The following MYO9B variants were observed in gnomAD, a reference collection of about 807,000 sequenced individuals.
MYO9B encodes the protein unconventional myosin-IXb.
MYO9B carries 71 observed loss-of-function variants against 229.5 expected under a neutral mutation model. The observed-to-expected ratio is 0.31, with a 90% CI of 0.26 to 0.38. The LOEUF (loss-of-function observed/expected upper bound fraction) is 0.38, where lower values mean the gene tolerates loss of function less well. Ranked by LOEUF, MYO9B falls within the 10% of genes least tolerant of loss-of-function variation. The pLI is 1.00. For synonymous variants in MYO9B, 1,185 were observed against 1,235.8 expected (o/e 0.96, Z 0.86); for missense variants, 2,255 against 2,920.5 (o/e 0.77, Z 5.25).
At chr19:17,136,344 G>T (rs990902967) in intron 2 of MYO9B, among the ~76,000 whole-genome samples, 1 of 152,170 alleles carries the variant, frequency 6.6e-6, no homozygotes, top group South Asian at 2.1e-4. Context: ...GAGACTGGGG[G>T]TTTCACTCCA....
At chr19:17,105,296 A>G (rs1483227699) in intron 2 of MYO9B, among the ~76,000 whole-genome samples, 1 of 149,120 alleles carries the variant, frequency 6.7e-6, no homozygotes, top group Non-Finnish European at 1.5e-5. Context: ...AGCCTGGGCA[A>G]CATAACAAGA....
chr19:17,148,482 G>T (rs564289006), intron 3 of MYO9B, among the ~76,000 whole-genome samples: 2 of 152,306 alleles, frequency 1.3e-5, no homozygotes, highest in Admixed American at 6.5e-5. Context: ...TCTAGGGAAA[G>T]ATCCTGGCTA....
chr19:17,102,133 G>A lies in MYO9B; in HGVS notation c.416G>A (p.Gly139Asp). 1 of 1,613,522 alleles carries A rather than the reference G, an allele frequency of 6.2e-7. No homozygotes were observed. Among genetic ancestry groups the A allele is most frequent in the Non-Finnish European group, 8.5e-7 (1 of 1,179,892 alleles). Residue 139 changes from glycine (G) to aspartate (D), a missense_variant, in exon 2 of 40, where the codon GGC becomes GAC. Around this residue, in one of 7 missense-constraint regions of MYO9B, gnomAD observed 386 missense variants for 515.2 expected, o/e 0.75. Coordinates refer to ENST00000682292, the MANE Select transcript of MYO9B (RefSeq NM_004145.4). Reference protein sequence around the residue: ...ATATRRLVERGLLPRQQADFD... With the variant: ...ATATRRLVERDLLPRQQADFD... The stretch of plus-strand genomic sequence containing the variant: ...GCCACCCGGCGCCTAGTGGAGCGTG[G>A]CCTCCTGCCACGGCAGCAGGCGGAC...
At chr19:17,112,472 C>G (rs573180676) in intron 2 of MYO9B, among the ~76,000 whole-genome samples, 429 of 152,298 alleles carry the variant, frequency 2.8e-3, no homozygotes, top group Admixed American at 6.9e-3. Flanking sequence ...GCCCTGGACT[C>G]GGGCAGGAGC....
In MYO9B at chr19:17,195,174, G is replaced by A. The variant is rs778654100; in HGVS notation, c.3747G>A (p.Glu1249=). 1.9e-6 allele frequency: 3 copies of A among 1,611,350 alleles called. No homozygotes were observed. The highest frequency in any genetic ancestry group is 2.5e-6 in the Non-Finnish European group (3 of 1,179,410). Residue 1249 remains glutamate (E), a synonymous_variant, in exon 22 of 40, where the codon GAG becomes GAA. Transcript: ENST00000682292. The surrounding 1 kb of genome is among the most constrained non-coding windows in gnomAD (Gnocchi z 4.5). ...PSGSPRPGQL[E]RPTSLALDSR... ...GGAGCCCCAGGCCTGGCCAGTTGGA[G>A]CGGCCGACCAGCCTGGCCCTGGACA...
chr19:17,130,883 C>T (rs182250584), intron 2 of MYO9B, among the ~76,000 whole-genome samples: 1 of 152,286 alleles, frequency 6.6e-6, no homozygotes, highest in East Asian at 1.9e-4. Flanking sequence ...AACCTTGTCC[C>T]AGTCCCATCT....
intron 28 of MYO9B, 90 bp downstream of exon 28, chr19:17,202,393 A>G (rs2073116947): frequency 4.6e-6 from 6 of 1,309,524 alleles, no homozygotes; most frequent in Non-Finnish European, 6.3e-6. Flanking sequence ...ATGCCTCACC[A>G]TGCTTATGCC....
chr19:17,179,420 ATTTT>A (rs747998068), intron 14 of MYO9B, among the ~76,000 whole-genome samples: 1 of 86,668 alleles, frequency 1.2e-5, no homozygotes, highest in Non-Finnish European at 2.1e-5. Flanking sequence ...GCCCCAACTG[ATTTT>A]TTTTTTTTTT....
chr19:17,174,899 ACTCC>A (rs2072767107), intron 13 of MYO9B, among the ~76,000 whole-genome samples: 1 of 151,560 alleles, frequency 6.6e-6, no homozygotes, highest in Admixed American at 6.6e-5. Flanking sequence ...GCGCCACTGC[ACTCC>A]AGCCCAGGCG....
intron 22 of MYO9B, 46 bp from the exon 23 acceptor site, chr19:17,197,746 C>T (rs771576028): frequency 1.2e-6 from 2 of 1,607,270 alleles, no homozygotes; most frequent in Non-Finnish European, 1.7e-6. Context: ...GAAAATGCCA[C>T]TGACTCACTC....
chr19:17,117,886 C>T (rs1445358031), intron 2 of MYO9B, among the ~76,000 whole-genome samples: 1 of 134,048 alleles, frequency 7.5e-6, no homozygotes, highest in Non-Finnish European at 1.5e-5. Context: ...TGCAGTGAGC[C>T]AAGATCATGC....
At chr19:17,096,705 G>T (rs142373221) in intron 1 of MYO9B, among the ~76,000 whole-genome samples, 9 of 24,416 alleles carry the variant, frequency 3.7e-4, no homozygotes, top group South Asian at 2.1e-3. Context: ...TGTTGTTGTT[G>T]GTTTTTTTTT....
At chr19:17,160,657 G>A (rs1459081330) in intron 8 of MYO9B, among the ~76,000 whole-genome samples, 8 of 151,696 alleles carry the variant, frequency 5.3e-5, no homozygotes, top group African/African-American at 1.7e-4. Flanking sequence ...ACAGGTGTGC[G>A]CCACTAGGCC....
chr19:17,147,475 C>T (rs1243661217), intron 3 of MYO9B, among the ~76,000 whole-genome samples: 7 of 138,612 alleles, frequency 5.1e-5, no homozygotes, highest in Admixed American at 1.6e-4. Flanking sequence ...ACCCAGGAGG[C>T]GGAGATTGCA....
intron 1 of MYO9B, among the ~76,000 whole-genome samples, chr19:17,082,736 G>A (rs1302283481): frequency 2.0e-5 from 3 of 152,130 alleles, no homozygotes; most frequent in Non-Finnish European, 1.5e-5. Flanking sequence ...GGCGGAGAAA[G>A]TGTGATCGTA....
intron 2 of MYO9B, among the ~76,000 whole-genome samples, chr19:17,134,074 T>C (rs1434340213): frequency 6.6e-6 from 1 of 152,098 alleles, no homozygotes; most frequent in African/African-American, 2.4e-5. Flanking sequence ...TTTCTACTTC[T>C]GTGAGTTTTT....
chr19:17,091,921 T>C (rs1222451727), intron 1 of MYO9B, among the ~76,000 whole-genome samples: 3 of 152,090 alleles, frequency 2.0e-5, no homozygotes, highest in Non-Finnish European at 2.9e-5. Flanking sequence ...AGTCTGCCCT[T>C]CTGCCCCGCA....
In MYO9B at chr19:17,185,963, C is replaced by T; in HGVS notation, c.2539C>T (p.Pro847Ser). The change falls in exon 18 of 40, where the codon CCC becomes TCC. Residue 847 changes from proline to serine, a missense_variant. By Grantham distance (74) the Pro-to-Ser change is moderately conservative. This residue lies in a region of MYO9B where 68 missense variants were observed against 133.5 expected (regional missense o/e 0.51). Transcript: ENST00000682292. ...KLLEALGKAE[P>S]FFIRCIRSNA... ...CTTGGAGGCACTGGGGAAGGCGGAG[C>T]CCTTCTTTATCCGCTGCATCCGTTC... The T allele has an allele frequency of 6.2e-7, 1 of 1,613,932 alleles. No individual in the cohort carries two copies. Among genetic ancestry groups the T allele is most frequent in the Non-Finnish European group, 8.5e-7 (1 of 1,179,808 alleles).
At position 17,194,685 on chromosome 19, in the gene MYO9B, G is replaced by T. The variant is rs1568296209; in HGVS notation, c.3258G>T (p.Gln1086His). 1 of 1,612,912 alleles carries T rather than the reference G, an allele frequency of 6.2e-7. No individual in the cohort carries two copies. Among genetic ancestry groups the T allele is most frequent in the Non-Finnish European group, 8.5e-7 (1 of 1,179,882 alleles). Reference protein sequence around the residue: ...QAAGGQQVAEQGPEPAEDGGH... With the variant: ...QAAGGQQVAEHGPEPAEDGGH... ...CTGGAGGGCAGCAGGTAGCTGAGCA[G>T]GGGCCGGAGCCAGCGGAGGATGGCG... The change falls in exon 22 of 40, where the codon CAG becomes CAT. Residue 1086 changes from glutamine (Q) to histidine (H), a missense_variant. Around this residue, in one of 7 missense-constraint regions of MYO9B, gnomAD observed 679 missense variants for 770.2 expected, o/e 0.88. Coordinates refer to ENST00000682292, the MANE Select transcript of MYO9B (RefSeq NM_004145.4).
Sources: allele counts gnomAD v4.1 joint callset (sites outside exome capture counted in the v4.1 genomes callset), GRCh38; gene constraint gnomAD v4.1.1; regional missense constraint gnomAD v4.1.1; non-coding constraint Gnocchi (gnomAD v3.1); transcripts MANE v1.5; gene names NCBI Gene and HGNC (gene_info 2026-07-23, HGNC 2026-07-21).